Variants in PRIM1 observed in about 807,000 individuals in gnomAD.
PRIM1 encodes DNA primase subunit 1.
In PRIM1, 38 loss-of-function variants were observed where a neutral mutation model predicts 60.2. The observed-to-expected ratio is 0.63, with a 90% confidence interval of 0.49 to 0.83. The LOEUF (loss-of-function observed/expected upper bound fraction) is 0.83, where lower values mean the gene tolerates loss of function less well. Among genes scored for constraint, PRIM1 ranks in the 40% least tolerant of loss-of-function variants. PRIM1 has a pLI of 0.00. For synonymous variants in PRIM1, 158 were observed against 160.2 expected (o/e 0.99, Z 0.10); for missense variants, 388 against 506.2 (o/e 0.77, Z 2.24).
intron 11 of PRIM1, among the ~76,000 whole-genome samples, chr12:56,737,710 G>C (rs1953843110): frequency 6.6e-6 from 1 of 151,582 alleles, no homozygotes; most frequent in South Asian, 2.1e-4. Context: ...AAATTCCTTA[G>C]CTTCTTCAAA....
intron 12 of PRIM1, among the ~76,000 whole-genome samples, chr12:56,733,545 ATC>A (rs1216574997): frequency 6.7e-6 from 1 of 150,334 alleles, no homozygotes. Flanking sequence ...ATCAGATAAA[ATC>A]TCTTTCTTAG....
At chr12:56,740,410 GA>G (rs1953863459) in intron 9 of PRIM1, among the ~76,000 whole-genome samples, 1 of 152,012 alleles carries the variant, frequency 6.6e-6, no homozygotes, top group African/African-American at 2.4e-5. Flanking sequence ...AAGCATTTAG[GA>G]AATAAAATAG....
chr12:56,731,647 G>A lies in PRIM1; in HGVS notation c.*68C>T, dbSNP rs964769823. On this transcript the variant is annotated 3_prime_UTR_variant, in exon 13 of 13. Coordinates refer to ENST00000338193, the MANE Select transcript of PRIM1 (RefSeq NM_000946.3). The stretch of plus-strand genomic sequence containing the variant: ...TATAGTTCTGCCATATTTATTAAAT[G>A]GCTCTTGAAGTATTTGATCTGTGGT... 77 of 1,342,502 alleles carry A rather than the reference G, an allele frequency of 5.7e-5. No individual in the cohort carries two copies. Among genetic ancestry groups the A allele is most frequent in the Admixed American group, 2.4e-5 (1 of 41,986 alleles). 83.2% of individuals were successfully genotyped at this position (1,342,502 alleles called of 1,614,324 possible).
intron 2 of PRIM1, 124 bp from the exon 3 acceptor site, chr12:56,747,156 T>C (rs967128222): frequency 1.3e-5 from 9 of 704,810 alleles, no homozygotes; most frequent in African/African-American, 1.8e-5. Flanking sequence ...GCCAACTTTA[T>C]GACAGTGAAA....
At chr12:56,732,047 A>G (rs540590224) in intron 12 of PRIM1, among the ~76,000 whole-genome samples, 1 of 152,368 alleles carries the variant, frequency 6.6e-6, no homozygotes, top group African/African-American at 2.4e-5. Flanking sequence ...TGCTTAAACT[A>G]TCACATATTT....
At position 56,746,247 on chromosome 12, in the gene PRIM1, ATTAC is replaced by A. The variant is rs1172647370; in HGVS notation, c.443-70_443-67del. On this transcript the variant is annotated intron_variant, in intron 4 of 12. Coordinates refer to ENST00000338193, the MANE Select transcript of PRIM1 (RefSeq NM_000946.3). The stretch of plus-strand genomic sequence containing the variant: ...AAACTCCTTAATTAATGTATATTAA[ATTAC>A]TTGTTGTTTCCTGTGCTCCCCATGT... 8.0e-6 allele frequency: 12 copies of A among 1,503,790 alleles called. No homozygotes were observed. The East Asian group carries it at 2.6e-4, about 33-fold the overall frequency. The allele number at this position is 1,503,790 out of a possible 1,614,324, so 93.2% of individuals were successfully genotyped here. A position where few individuals can be genotyped will look rare whatever the true frequency, so the allele number is the denominator to read the frequency against.
rs548716608 is a variant in PRIM1, at chr12:56,743,842, T to C, written c.638+223A>G. ...AAAACTCATTTTCCTTATCTATAAA[T>C]GGAGATACCATCAAGTCTCTTGTGG... On this transcript the variant is annotated intron_variant, in intron 6 of 12. Transcript: ENST00000338193. 1.0e-4 allele frequency: 42 copies of C among 417,746 alleles called. 1 individual carries two copies. The South Asian group carries it at 2.4e-3, about 24-fold the overall frequency. 25.9% of individuals were successfully genotyped at this position (417,746 alleles called of 1,614,324 possible).
At chr12:56,748,353 C>T (rs533608888) in intron 2 of PRIM1, among the ~76,000 whole-genome samples, 171 of 152,200 alleles carry the variant, frequency 1.1e-3, no homozygotes, top group African/African-American at 3.6e-3. Context: ...CAGGGCTGGG[C>T]GCAGTGGCTC....
At chr12:56,737,537 C>T (rs1318494906) in intron 11 of PRIM1, among the ~76,000 whole-genome samples, 2 of 151,856 alleles carry the variant, frequency 1.3e-5, no homozygotes, top group South Asian at 2.1e-4. Flanking sequence ...TTAGGATAGA[C>T]AGGGTTTCTC....
intron 5 of PRIM1, among the ~76,000 whole-genome samples, chr12:56,744,615 C>T (rs1353941214): frequency 6.6e-6 from 1 of 152,064 alleles, no homozygotes; most frequent in Admixed American, 6.6e-5. Context: ...CAATTGCCTA[C>T]AGTATTGAGT....
At chr12:56,741,272 A>G (rs1953870412) in intron 9 of PRIM1, among the ~76,000 whole-genome samples, 163 bp downstream of exon 9, 1 of 152,126 alleles carries the variant, frequency 6.6e-6, no homozygotes, top group Non-Finnish European at 1.5e-5. Flanking sequence ...CATAGTAGAA[A>G]CTCATCTGGT....
chr12:56,745,394 G>C (rs1397651289), intron 5 of PRIM1, among the ~76,000 whole-genome samples: 4 of 151,776 alleles, frequency 2.6e-5, no homozygotes, highest in South Asian at 2.1e-4. Context: ...CTGGGTGACA[G>C]GGTGAGACCG....
At chr12:56,738,126 G>T (rs1953846573) in intron 11 of PRIM1, among the ~76,000 whole-genome samples, 1 of 152,184 alleles carries the variant, frequency 6.6e-6, no homozygotes, top group African/African-American at 2.4e-5. Flanking sequence ...AAAAAGTACT[G>T]CATATATAAT....
chr12:56,752,044 C>T (rs1393255070), intron 1 of PRIM1, 152 bp downstream of exon 1: 1 of 380,304 alleles, frequency 2.6e-6, no homozygotes, highest in African/African-American at 2.2e-5. Context: ...CCATTTACAC[C>T]TATGAAGTGG....
intron 2 of PRIM1, 56 bp downstream of exon 2, chr12:56,750,982 C>T (rs1273979830): frequency 1.7e-6 from 2 of 1,196,698 alleles, no homozygotes; most frequent in Admixed American, 7.3e-5. Context: ...GAGGAATCAA[C>T]CCATTCTTGG....
chr12:56,734,033 A>C (rs1953804320), intron 12 of PRIM1, 114 bp downstream of exon 12: 1 of 654,820 alleles, frequency 1.5e-6, no homozygotes. Flanking sequence ...AAGGATAGTA[A>C]GATAAATCTG....
intron 2 of PRIM1, among the ~76,000 whole-genome samples, chr12:56,750,358 A>T (rs1325516374): frequency 6.6e-6 from 1 of 152,100 alleles, no homozygotes; most frequent in Non-Finnish European, 1.5e-5. Flanking sequence ...GTAGAGCCAA[A>T]GGGATTTCCT....
At chr12:56,751,221 G>T in intron 1 of PRIM1, 26 bp from the exon 2 acceptor site, 1 of 1,449,122 alleles carries the variant, frequency 6.9e-7, no homozygotes, top group South Asian at 1.4e-5. Context: ...ACATTTTAAA[G>T]TTAATTTGCT....
At chr12:56,743,823 C>A (rs899293757) in intron 6 of PRIM1, 17 of 392,138 alleles carry the variant, frequency 4.3e-5, no homozygotes, top group African/African-American at 3.1e-4. Context: ...CTCTAAAACT[C>A]ATTTTCCTTA....
Sources: allele counts gnomAD v4.1 joint callset (sites outside exome capture counted in the v4.1 genomes callset), GRCh38; gene constraint gnomAD v4.1.1; transcripts MANE v1.5; gene names NCBI Gene and HGNC (gene_info 2026-07-23, HGNC 2026-07-21).